Variants in SLC35E2B observed in about 807,000 individuals in gnomAD.
The protein encoded by SLC35E2B is solute carrier family 35 member E2B.
SLC35E2B carries 18 observed loss-of-function variants against 32.4 expected under a neutral mutation model. The observed-to-expected ratio is 0.56, with a 90% CI of 0.38 to 0.82. The LOEUF is 0.82. Among genes scored for constraint, SLC35E2B ranks in the 40% least tolerant of loss-of-function variants. The pLI is 0.00. For missense variants in SLC35E2B, 263 were observed against 469.5 expected (o/e 0.56, Z 4.06); for synonymous variants, 132 against 209.1 (o/e 0.63, Z 3.18).
chr1:1,667,977 C>T (rs185270928), intron 9 of SLC35E2B, among the ~76,000 whole-genome samples: 38 of 151,772 alleles, frequency 2.5e-4, no homozygotes, highest in Non-Finnish European at 4.7e-4. Context: ...CTCAGCCTCC[C>T]GAGTAGCTGG....
At chr1:1,673,838 C>T (rs1643768874) in intron 5 of SLC35E2B, among the ~76,000 whole-genome samples, 2 of 151,058 alleles carry the variant, frequency 1.3e-5, no homozygotes, top group African/African-American at 2.4e-5. Context: ...TGGTGGGCGC[C>T]TGTAGTCCCA....
chr1:1,687,937 T>C (rs966754140), intron 2 of SLC35E2B, among the ~76,000 whole-genome samples: 4 of 151,896 alleles, frequency 2.6e-5, no homozygotes, highest in African/African-American at 4.8e-5. Context: ...CATATATCAT[T>C]CTCCACAAAG....
Position 1,665,493 on chromosome 1 carries a change from G to T in SLC35E2B, c.*289C>A, listed in dbSNP as rs1270112958. 4 of 562,268 alleles carry T rather than the reference G, an allele frequency of 7.1e-6. No homozygotes were observed. Among genetic ancestry groups the T allele is most frequent in the African/African-American group, 1.9e-5 (1 of 53,028 alleles). 34.8% of individuals were successfully genotyped at this position (562,268 alleles called of 1,614,324 possible). A position where few individuals can be genotyped will look rare whatever the true frequency, so the allele number is the denominator to read the frequency against. Reference sequence around the variant, plus strand: ...CCCTGGGGTGTCGCCCAGAGAGGAAGTGGGCACCCCCAGCATGGGAGCCTC... The same window carrying T: ...CCCTGGGGTGTCGCCCAGAGAGGAATTGGGCACCCCCAGCATGGGAGCCTC... On this transcript the variant is annotated 3_prime_UTR_variant, in exon 10 of 10. Transcript: ENST00000617444.
rs778155265 is a variant in SLC35E2B, at chr1:1,666,049, G to A, written c.981-30C>T. 4.2e-5 allele frequency: 64 copies of A among 1,541,428 alleles called. 1 individual carries two copies. The highest frequency in any genetic ancestry group is 5.5e-5 in the Non-Finnish European group (63 of 1,140,890). ...GGAGGCAAGGGGAGGCAGCAGGGGC[G>A]CTCAGGGCTATGGTCTCCTCAGCCC... is the stretch of plus-strand genomic sequence containing the variant. On this transcript the variant is annotated intron_variant, in intron 9 of 9. Coordinates refer to ENST00000617444, the MANE Select transcript of SLC35E2B (RefSeq NM_001290264.2).
At chr1:1,687,441 A>G (rs190884002) in intron 2 of SLC35E2B, among the ~76,000 whole-genome samples, 4 of 151,988 alleles carry the variant, frequency 2.6e-5, no homozygotes, top group East Asian at 1.9e-4. Context: ...AGTCTCTACT[A>G]AAAAAACAAA....
Position 1,665,067 on chromosome 1 carries a change from CCAGGGTGTGGAAGGGATAGGAGGG to C in SLC35E2B, c.*691_*714del, listed in dbSNP as rs1011399334. On this transcript the variant is annotated 3_prime_UTR_variant, in exon 10 of 10. Coordinates refer to ENST00000617444, the MANE Select transcript of SLC35E2B (RefSeq NM_001290264.2). Reference sequence around the variant, plus strand: ...TGGGGTTGCGGGGAGCTCACGCAGCCCAGGGTGTGGAAGGGATAGGAGGGCAGGGTGTGGAAGAGGTAGGGGGCC... The same window carrying C: ...TGGGGTTGCGGGGAGCTCACGCAGCCCAGGGTGTGGAAGAGGTAGGGGGCC... The C allele has an allele frequency of 4.8e-6, 3 of 623,434 alleles. No homozygotes were observed. Among genetic ancestry groups the C allele is most frequent in the African/African-American group, 4.0e-5 (2 of 50,462 alleles). The allele number at this position is 623,434 out of a possible 1,614,324, so 38.6% of individuals were successfully genotyped here.
intron 5 of SLC35E2B, chr1:1,674,487 C>T (rs993264576): frequency 2.0e-5 from 3 of 151,974 alleles, no homozygotes; most frequent in South Asian, 2.1e-4. Context: ...CATGGTGGCA[C>T]ATGCCTGAGG....
At position 1,665,660 on chromosome 1, in the gene SLC35E2B, G is replaced by C; in HGVS notation, c.*122C>G. On this transcript the variant is annotated 3_prime_UTR_variant, in exon 10 of 10. Transcript: ENST00000617444. ...TCACCGACAAACCGAGAAAGCCGCA[G>C]GCAATGGCCAACTTAGCTCCCCATG... The C allele has an allele frequency of 7.1e-7, 1 of 1,415,730 alleles. No individual in the cohort carries two copies. Among genetic ancestry groups the C allele is most frequent in the Non-Finnish European group, 9.3e-7 (1 of 1,074,692 alleles). The allele number at this position is 1,415,730 out of a possible 1,614,324, so 87.7% of individuals were successfully genotyped here.
Position 1,664,489 on chromosome 1 carries a change from G to A in SLC35E2B, c.*1293C>T. The A allele has an allele frequency of 1.1e-6, 1 of 915,278 alleles. No homozygotes were observed. Among genetic ancestry groups the A allele is most frequent in the Non-Finnish European group, 1.3e-6 (1 of 767,894 alleles). 56.7% of individuals were successfully genotyped at this position (915,278 alleles called of 1,614,324 possible). A position where few individuals can be genotyped will look rare whatever the true frequency, so the allele number is the denominator to read the frequency against. On this transcript the variant is annotated 3_prime_UTR_variant, in exon 10 of 10. Coordinates refer to ENST00000617444, the MANE Select transcript of SLC35E2B (RefSeq NM_001290264.2). ...GGTCTCAAAGGCTGGCTGGCAACAG[G>A]CTGCACCGGGCATGGGAATCCGCCA...
In SLC35E2B at chr1:1,689,943, C is replaced by T. The variant is rs182898221; in HGVS notation, c.-148+1033G>A. Among the ~76,000 whole-genome samples, 43 of 148,238 alleles carry T rather than the reference C, an allele frequency of 2.9e-4. 1 individual carries two copies. Among genetic ancestry groups the T allele is most frequent in the Admixed American group, 1.6e-3 (24 of 14,628 alleles). On this transcript the variant is annotated intron_variant, in intron 2 of 9. Coordinates refer to ENST00000617444, the MANE Select transcript of SLC35E2B (RefSeq NM_001290264.2). ...GGGAGGTTGCAGTGAGCCCAGACTG[C>T]GCCGCTGCACTCCAGCCTGGGCAAC... is the stretch of plus-strand genomic sequence containing the variant.
intron 9 of SLC35E2B, among the ~76,000 whole-genome samples, chr1:1,666,657 C>T (rs1284500214): frequency 2.7e-5 from 4 of 150,368 alleles, no homozygotes; most frequent in African/African-American, 4.9e-5. Flanking sequence ...GGAGGCTAGG[C>T]GTGGGGGCTC....
At position 1,663,219 on chromosome 1, in the gene SLC35E2B, G is replaced by A. The variant is rs1309173471; in HGVS notation, c.*2563C>T. ...ATCCTTTGGAAAAACGTTTGTTTCT[G>A]GTCCACAAACAGAAAATCCAAACAG... On this transcript the variant is annotated 3_prime_UTR_variant, in exon 10 of 10. Transcript: ENST00000617444. The A allele has an allele frequency of 1.0e-6, 1 of 953,328 alleles. No homozygotes were observed. Among genetic ancestry groups the A allele is most frequent in the Admixed American group, 6.3e-5 (1 of 15,810 alleles). The allele number at this position is 953,328 out of a possible 1,614,324, so 59.1% of individuals were successfully genotyped here.
chr1:1,686,883 T>C (rs75814535), intron 2 of SLC35E2B, among the ~76,000 whole-genome samples: 3,218 of 151,962 alleles, frequency 0.021, 62 homozygotes, highest in Non-Finnish European at 0.03. Context: ...TGTGAAACCT[T>C]GTCTCTACTA....
intron 2 of SLC35E2B, among the ~76,000 whole-genome samples, chr1:1,678,581 A>G (rs1303632686): frequency 6.6e-6 from 1 of 152,068 alleles, no homozygotes; most frequent in Admixed American, 6.6e-5. Context: ...GCACCAGGAC[A>G]GCTGCCTCCA....
At chr1:1,679,163 C>T (rs1643878808) in intron 2 of SLC35E2B, among the ~76,000 whole-genome samples, 2 of 152,180 alleles carry the variant, frequency 1.3e-5, no homozygotes, top group South Asian at 4.1e-4. Context: ...ATTTACATGG[C>T]AAGGAGGCCA....
intron 9 of SLC35E2B, among the ~76,000 whole-genome samples, chr1:1,667,341 A>G (rs1643574073): frequency 6.6e-6 from 1 of 152,062 alleles, no homozygotes; most frequent in African/African-American, 2.4e-5. Context: ...TGAACCCGGG[A>G]GGCGGAGCTT....
intron 5 of SLC35E2B, chr1:1,673,136 G>A (rs558620198): frequency 1.1e-4 from 20 of 185,056 alleles, no homozygotes; most frequent in South Asian, 9.9e-4. Context: ...TTAGGAGGCC[G>A]AGGCAGGAGG....
chr1:1,688,935 G>A (rs1407039107), intron 2 of SLC35E2B, among the ~76,000 whole-genome samples: 1 of 151,804 alleles, frequency 6.6e-6, no homozygotes, highest in Non-Finnish European at 1.5e-5. Flanking sequence ...ACTTTGGGAG[G>A]CCGAGGTGGG....
chr1:1,681,370 T>C (rs4076580), intron 2 of SLC35E2B, among the ~76,000 whole-genome samples: 1 of 146,768 alleles, frequency 6.8e-6, no homozygotes, highest in African/African-American at 2.5e-5. Flanking sequence ...GCTAATTTTG[T>C]TTTTTTTTGT....
Sources: gnomAD v4.1 joint callset for allele counts (sites outside exome capture counted in the v4.1 genomes callset) on GRCh38, gnomAD v4.1.1 for gene constraint, MANE v1.5 for transcripts, NCBI Gene and HGNC (gene_info 2026-07-23, HGNC 2026-07-21) for gene names.